NAPA: variants seen among roughly 807,000 people sequenced by gnomAD.
NAPA encodes the protein alpha-soluble NSF attachment protein.
NAPA carries 18 observed loss-of-function variants against 48.0 expected under a neutral mutation model. The observed-to-expected ratio is 0.38, with a 90% CI of 0.26 to 0.56. The LOEUF (loss-of-function observed/expected upper bound fraction) is 0.56. Among genes scored for constraint, NAPA ranks in the 20% least tolerant of loss-of-function variants. NAPA has a pLI of 0.77. For synonymous variants in NAPA, 152 were observed against 149.9 expected (o/e 1.01, Z -0.10); for missense variants, 315 against 385.0 (o/e 0.82, Z 1.52).
At chr19:47,512,289 G>A (rs1427197275) in intron 1 of NAPA, among the ~76,000 whole-genome samples, 1 of 151,908 alleles carries the variant, frequency 6.6e-6, no homozygotes, top group Non-Finnish European at 1.5e-5. Context: ...CACCCTCCCC[G>A]GCCCCACTCC....
intron 2 of NAPA, among the ~76,000 whole-genome samples, chr19:47,501,048 G>A (rs763314962): frequency 2.0e-5 from 3 of 152,182 alleles, no homozygotes; most frequent in Non-Finnish European, 4.4e-5. Context: ...TGGAAAGAGA[G>A]CCAGGGTAAG....
At position 47,493,570 on chromosome 19, in the gene NAPA, A is replaced by C; in HGVS notation, c.343-77T>G. ...CTGCCTGCTGACCTATGACCCTTCAAGTTCCCACCCCTCAGCCACGCCTGT... is the reference window on the plus strand; with the variant it reads ...CTGCCTGCTGACCTATGACCCTTCACGTTCCCACCCCTCAGCCACGCCTGT... On this transcript the variant is annotated intron_variant, in intron 4 of 10. Transcript: ENST00000263354. The surrounding 1 kb of genome is among the most constrained non-coding windows in gnomAD (Gnocchi z 6.4). The C allele has an allele frequency of 1.0e-5, 13 of 1,284,332 alleles. No homozygotes were observed. Among genetic ancestry groups the C allele is most frequent in the Non-Finnish European group, 1.5e-5 (13 of 886,648 alleles). The allele number at this position is 1,284,332 out of a possible 1,614,324, so 79.6% of individuals were successfully genotyped here. A position where few individuals can be genotyped will look rare whatever the true frequency, so the allele number is the denominator to read the frequency against.
intron 1 of NAPA, among the ~76,000 whole-genome samples, chr19:47,505,714 G>A (rs563385326): frequency 3.3e-5 from 5 of 152,274 alleles, no homozygotes; most frequent in Middle Eastern, 3.4e-3. Flanking sequence ...ATGCCCCCAC[G>A]GTGGGCGGGC....
chr19:47,492,390 T>G, intron 7 of NAPA: 1 of 467,186 alleles, frequency 2.1e-6, no homozygotes, highest in Non-Finnish European at 3.9e-6. Context: ...CCTGAGACAG[T>G]GGGAAGGAGG....
intron 7 of NAPA, chr19:47,492,676 T>G: frequency 1.8e-6 from 1 of 559,556 alleles, no homozygotes; most frequent in Non-Finnish European, 3.4e-6. Flanking sequence ...CCCTCTGGGT[T>G]CTTTAGCCAG....
chr19:47,504,273 T>C (rs1039571995), intron 1 of NAPA, among the ~76,000 whole-genome samples: 1 of 151,832 alleles, frequency 6.6e-6, no homozygotes, highest in African/African-American at 2.4e-5. Context: ...TGCACGCCTG[T>C]AGTCCTAGCT....
At chr19:47,508,695 G>T (rs1203133210) in intron 1 of NAPA, among the ~76,000 whole-genome samples, 2 of 151,898 alleles carry the variant, frequency 1.3e-5, no homozygotes, top group Non-Finnish European at 2.9e-5. Context: ...AAGAGATGGG[G>T]TCTCCCTGTG....
chr19:47,490,994 C>T (rs1968250803), intron 8 of NAPA, 138 bp from the exon 9 acceptor site: 1 of 675,248 alleles, frequency 1.5e-6, no homozygotes, highest in Admixed American at 2.5e-5. Context: ...TCAGGTGTCA[C>T]CTGGCTCTGT....
rs142367453 is a variant in NAPA at position 47,493,160 on chromosome 19, G to A, written c.435C>T (p.Tyr145=). The A allele has an allele frequency of 1.6e-5, 26 of 1,599,832 alleles. No homozygotes were observed. Among genetic ancestry groups the A allele is most frequent in the South Asian group, 5.6e-5 (5 of 88,958 alleles). ...CTTTGTAGTAGTCTGCAGACTGCTCGTAGTGGGCAATGGCCTGGGGAGACA... is the reference window on the plus strand; with the variant it reads ...CTTTGTAGTAGTCTGCAGACTGCTCATAGTGGGCAATGGCCTGGGGAGACA... ...LVDIEKAIAH[Y]EQSADYYKGE... Residue 145 remains tyrosine (Y), a synonymous_variant, in exon 6 of 11, where the codon TAC becomes TAT. Transcript: ENST00000263354. This position sits in a 1 kb window ranked among gnomAD's most constrained non-coding sequence, Gnocchi z 6.4.
chr19:47,490,867 G>T lies in NAPA; in HGVS notation c.667-11C>A. On this transcript the variant is annotated splice_polypyrimidine_tract_variant and intron_variant, in intron 8 of 10. Coordinates refer to ENST00000263354, the MANE Select transcript of NAPA (RefSeq NM_003827.4). Reference sequence around the variant, plus strand: ...CTTTTGGACAGCCAGCTGGGCAGCAGGGAAGGGAGAAGATGAGTTAGTAAC... The same window carrying T: ...CTTTTGGACAGCCAGCTGGGCAGCATGGAAGGGAGAAGATGAGTTAGTAAC... 6.2e-7 allele frequency: 1 copy of T among 1,612,856 alleles called. No homozygotes were observed. The highest frequency in any genetic ancestry group is 1.1e-5 in the South Asian group (1 of 90,838).
intron 1 of NAPA, among the ~76,000 whole-genome samples, chr19:47,509,545 C>T (rs1239665826): frequency 6.6e-6 from 1 of 152,108 alleles, no homozygotes; most frequent in Non-Finnish European, 1.5e-5. Flanking sequence ...GCTGGCCACA[C>T]CACGGGCGTT....
In NAPA at chr19:47,515,048, C is replaced by G; in HGVS notation, c.-108G>C. 2 of 1,142,214 alleles carry G rather than the reference C, an allele frequency of 1.8e-6. No homozygotes were observed. Among genetic ancestry groups the G allele is most frequent in the Non-Finnish European group, 2.5e-6 (2 of 806,528 alleles). The allele number at this position is 1,142,214 out of a possible 1,614,324, so 70.8% of individuals were successfully genotyped here. On this transcript the variant is annotated 5_prime_UTR_variant, in exon 1 of 11. Coordinates refer to ENST00000263354, the MANE Select transcript of NAPA (RefSeq NM_003827.4). ...GGTAAAACTCGCCCGGCTGCGTTGA[C>G]GTCGCACCGGCGCGCGTCGCTTGCG...
Position 47,488,408 on chromosome 19 carries a change from A to G in NAPA, c.787-19T>C. The G allele has an allele frequency of 1.3e-6, 2 of 1,597,448 alleles. No individual in the cohort carries two copies. Among genetic ancestry groups the G allele is most frequent in the Middle Eastern group, 3.3e-4 (2 of 6,018 alleles). ...CCTTCACCTGAGGGCACACCAGGTG[A>G]TAGGCTGGCCATGCTCCCCCCGTTC... On this transcript the variant is annotated intron_variant, in intron 10 of 10. Coordinates refer to ENST00000263354, the MANE Select transcript of NAPA (RefSeq NM_003827.4).
At chr19:47,497,250 C>G (rs1968452364) in intron 3 of NAPA, 4 of 165,354 alleles carry the variant, frequency 2.4e-5, no homozygotes, top group Admixed American at 1.2e-4. Context: ...AACCTGGCAC[C>G]CTGTGGGCTG....
chr19:47,491,111 G>GCCT (rs567976632), intron 8 of NAPA: 1 of 423,020 alleles, frequency 2.4e-6, no homozygotes, highest in Non-Finnish European at 4.3e-6. Context: ...GGCACCCACT[G>GCCT]CCTCCTCCCA....
chr19:47,493,369 G>T lies in NAPA; in HGVS notation c.420+47C>A. ...CCCCTGGTGGGAAGAAGAGAGAGCA[G>T]CACTGGTCCTGGCTGCCAGCCCATG... On this transcript the variant is annotated intron_variant, in intron 5 of 10. Coordinates refer to ENST00000263354, the MANE Select transcript of NAPA (RefSeq NM_003827.4). This position sits in a 1 kb window ranked among gnomAD's most constrained non-coding sequence, Gnocchi z 6.4. 2 of 1,597,074 alleles carry T rather than the reference G, an allele frequency of 1.3e-6. No homozygotes were observed. Among genetic ancestry groups the T allele is most frequent in the Non-Finnish European group, 8.6e-7 (1 of 1,165,256 alleles).
At chr19:47,511,919 C>T (rs1000302129) in intron 1 of NAPA, among the ~76,000 whole-genome samples, 3 of 152,174 alleles carry the variant, frequency 2.0e-5, no homozygotes, top group East Asian at 1.9e-4. Flanking sequence ...TTCTAGAAGG[C>T]AAACAGGAGC....
chr19:47,513,778 C>T (rs532776099), intron 1 of NAPA, among the ~76,000 whole-genome samples: 9 of 151,588 alleles, frequency 5.9e-5, no homozygotes, highest in Non-Finnish European at 1.0e-4. Flanking sequence ...GCCACCACCA[C>T]GCATTCCCCC....
intron 8 of NAPA, chr19:47,491,266 C>T: frequency 5.4e-6 from 1 of 185,578 alleles, no homozygotes; most frequent in Non-Finnish European, 1.1e-5. Flanking sequence ...GGGCAGTGAC[C>T]TGCCCAGGGC....
Sources: gnomAD v4.1 joint callset for allele counts (sites outside exome capture counted in the v4.1 genomes callset) on GRCh38, gnomAD v4.1.1 for gene constraint, Gnocchi (gnomAD v3.1) non-coding constraint, MANE v1.5 for transcripts, NCBI Gene and HGNC (gene_info 2026-07-23, HGNC 2026-07-21) for gene names.